The following HMBOX1 variants were observed in gnomAD, a reference collection of about 807,000 sequenced individuals.
HMBOX1 encodes homeobox-containing protein 1.
A neutral mutation model predicts 54.5 loss-of-function variants in HMBOX1; 14 were observed. That is an observed-to-expected ratio of 0.26 (90% confidence interval 0.17 to 0.40). HMBOX1 has a LOEUF of 0.40. HMBOX1 is among the 10% of genes least tolerant of loss of function. HMBOX1 has a pLI of 1.00. For missense variants in HMBOX1, 332 were observed against 514.4 expected (o/e 0.65, Z 3.43); for synonymous variants, 160 against 181.0 (o/e 0.88, Z 0.93).
intron 9 of HMBOX1, chr8:29,050,139 A>T: frequency 1.7e-6 from 1 of 578,650 alleles, no homozygotes; most frequent in Non-Finnish European, 2.2e-6. Context: ...GATCATTTCC[A>T]TCTTTTTTTA....
chr8:28,971,414 A>C (rs1409471219), intron 3 of HMBOX1, among the ~76,000 whole-genome samples: 1 of 152,086 alleles, frequency 6.6e-6, no homozygotes, highest in African/African-American at 2.4e-5. Flanking sequence ...CTTTCAACAG[A>C]AGTAATTAGG....
intron 6 of HMBOX1, among the ~76,000 whole-genome samples, chr8:29,026,944 G>A (rs1802145056): frequency 1.3e-5 from 2 of 152,180 alleles, no homozygotes; most frequent in South Asian, 4.1e-4. Flanking sequence ...GTTGTTAATT[G>A]TTGAAGCTGG....
chr8:28,907,718 G>A (rs140658878), intron 1 of HMBOX1, among the ~76,000 whole-genome samples: 2 of 152,190 alleles, frequency 1.3e-5, no homozygotes, highest in East Asian at 1.9e-4. Flanking sequence ...GAATTATAAA[G>A]CACCTCTCCT....
chr8:29,049,322 G>A (rs543825099), intron 9 of HMBOX1: 5 of 1,535,680 alleles, frequency 3.3e-6, no homozygotes, highest in Non-Finnish European at 2.6e-6. Context: ...GGGAGGAGGA[G>A]GAGGGAAGAA....
intron 4 of HMBOX1, among the ~76,000 whole-genome samples, chr8:29,003,287 T>A (rs1020216604): frequency 6.6e-5 from 10 of 151,860 alleles, no homozygotes; most frequent in African/African-American, 2.2e-4. Flanking sequence ...TCATAATTTA[T>A]AATAGTGAAA....
At chr8:28,959,384 G>A (rs1586096707) in intron 1 of HMBOX1, among the ~76,000 whole-genome samples, 1 of 152,246 alleles carries the variant, frequency 6.6e-6, no homozygotes, top group South Asian at 2.1e-4. Flanking sequence ...CCTGAAGGAG[G>A]AGCATGAGGT....
chr8:29,014,739 G>A (rs1834740122), intron 5 of HMBOX1, among the ~76,000 whole-genome samples: 1 of 152,080 alleles, frequency 6.6e-6, no homozygotes, highest in Admixed American at 6.5e-5. Flanking sequence ...GAGTGCAGTG[G>A]CACGATCTTG....
intron 6 of HMBOX1, among the ~76,000 whole-genome samples, chr8:29,035,060 G>C (rs1271959597): frequency 2.0e-5 from 3 of 152,106 alleles, no homozygotes; most frequent in Non-Finnish European, 4.4e-5. Flanking sequence ...GATAATCCCA[G>C]ACCAGTGCAC....
At chr8:28,976,654 A>C (rs1281036238) in intron 3 of HMBOX1, among the ~76,000 whole-genome samples, 1 of 150,814 alleles carries the variant, frequency 6.6e-6, no homozygotes, top group Non-Finnish European at 1.5e-5. Context: ...CTTTTTGATA[A>C]AGCTCTCTGG....
At chr8:28,963,203 C>T (rs1341209005) in intron 1 of HMBOX1, among the ~76,000 whole-genome samples, 2 of 152,080 alleles carry the variant, frequency 1.3e-5, no homozygotes, top group African/African-American at 2.4e-5. Flanking sequence ...AGGCTGGTCT[C>T]GAACTCCTGA....
At chr8:28,978,161 C>G (rs1240226310) in intron 3 of HMBOX1, among the ~76,000 whole-genome samples, 3 of 152,140 alleles carry the variant, frequency 2.0e-5, no homozygotes, top group African/African-American at 4.8e-5. Flanking sequence ...TATGACCTCT[C>G]TGTTTTTTTC....
At chr8:28,921,063 A>G (rs1817474966) in intron 1 of HMBOX1, among the ~76,000 whole-genome samples, 1 of 152,236 alleles carries the variant, frequency 6.6e-6, no homozygotes, top group Admixed American at 6.5e-5. Context: ...GGCTAGGCAC[A>G]GTGGCTCACG....
chr8:28,996,573 A>G (rs1244848107), intron 4 of HMBOX1, among the ~76,000 whole-genome samples: 4 of 152,082 alleles, frequency 2.6e-5, no homozygotes, highest in Non-Finnish European at 4.4e-5. Flanking sequence ...GTCTTTTCAC[A>G]TTGTTGATAG....
chr8:29,048,747 C>A (rs1805985728), intron 8 of HMBOX1: 3 of 517,372 alleles, frequency 5.8e-6, no homozygotes, highest in African/African-American at 1.9e-5. Context: ...GCAGCAGAGA[C>A]CCCAGAATGG....
At chr8:28,952,537 A>T (rs764024250) in intron 1 of HMBOX1, among the ~76,000 whole-genome samples, 3 of 152,332 alleles carry the variant, frequency 2.0e-5, no homozygotes, top group Non-Finnish European at 2.9e-5. Context: ...CCCAGCCAGG[A>T]CTAAGAATAT....
chr8:28,968,701 A>G (rs1826869520), intron 2 of HMBOX1, among the ~76,000 whole-genome samples: 1 of 152,246 alleles, frequency 6.6e-6, no homozygotes, highest in African/African-American at 2.4e-5. Context: ...ACACTGGCCC[A>G]GAGCAGATGT....
chr8:28,983,298 C>T (rs1360522529), intron 4 of HMBOX1, among the ~76,000 whole-genome samples: 2 of 152,108 alleles, frequency 1.3e-5, no homozygotes, highest in Admixed American at 1.3e-4. Context: ...TCGTTTGTTG[C>T]CATCCTCTAT....
intron 1 of HMBOX1, among the ~76,000 whole-genome samples, chr8:28,924,210 C>T (rs1162914333): frequency 6.6e-6 from 1 of 151,176 alleles, no homozygotes; most frequent in Non-Finnish European, 1.5e-5. Flanking sequence ...GGGTTCACGC[C>T]ATTCTCCTGC....
At chr8:28,982,042 C>G (rs192063123) in intron 4 of HMBOX1, among the ~76,000 whole-genome samples, 1 of 152,104 alleles carries the variant, frequency 6.6e-6, no homozygotes, top group Admixed American at 6.5e-5. Flanking sequence ...TCAAGACCAT[C>G]CTGGCTAACA....
Sources: allele counts gnomAD v4.1 joint callset (sites outside exome capture counted in the v4.1 genomes callset), GRCh38; gene constraint gnomAD v4.1.1; transcripts MANE v1.5; gene names NCBI Gene and HGNC (gene_info 2026-07-23, HGNC 2026-07-21).